Variants in DPYD observed in about 807,000 individuals in gnomAD.
The protein encoded by DPYD is dihydropyrimidine dehydrogenase [NADP(+)].
Under a neutral mutation model 116.2 loss-of-function variants are expected in DPYD, and 109 were observed. The observed-to-expected ratio is 0.94, with a 90% CI of 0.80 to 1.10. The LOEUF (loss-of-function observed/expected upper bound fraction) is 1.10, where lower values mean the gene tolerates loss of function less well. DPYD is among the 50% of genes least tolerant of loss of function. The pLI is 0.00. For missense variants in DPYD, 1,302 were observed against 1,254.5 expected, an observed-to-expected ratio of 1.04 and a Z score of -0.57; for synonymous variants, 440 against 432.0, an observed-to-expected ratio of 1.02 and a Z score of -0.23.
chr1:97,862,588 T>C (rs182679644), intron 2 of DPYD, among the ~76,000 whole-genome samples: 62 of 151,846 alleles, frequency 4.1e-4, no homozygotes, highest in African/African-American at 1.4e-3. Flanking sequence ...TTTATTTCTT[T>C]ATTGTTCATC....
chr1:97,213,194 G>A (rs891561978), intron 19 of DPYD, among the ~76,000 whole-genome samples: 2 of 151,962 alleles, frequency 1.3e-5, no homozygotes, highest in African/African-American at 2.4e-5. Context: ...ACCAGATTGG[G>A]GTTAGTATTC....
intron 20 of DPYD, among the ~76,000 whole-genome samples, chr1:97,171,410 C>G (rs10875053): frequency 0.18 from 27,134 of 152,128 alleles, 2,469 homozygotes; most frequent in East Asian, 0.29. Context: ...AAATCTTAAT[C>G]TGCTCTCTGC....
intron 20 of DPYD, among the ~76,000 whole-genome samples, chr1:97,102,489 A>ATCTG (rs1478275481): frequency 1.5e-5 from 1 of 68,422 alleles, no homozygotes; most frequent in South Asian, 6.2e-4. Context: ...CTATCTATCT[A>ATCTG]TCTATCTCCT....
intron 3 of DPYD, among the ~76,000 whole-genome samples, chr1:97,784,494 GACTAA>G (rs920904662): frequency 1.3e-5 from 2 of 152,070 alleles, no homozygotes; most frequent in Non-Finnish European, 2.9e-5. Flanking sequence ...AGTTTTATAA[GACTAA>G]ACTATCTTTC....
At chr1:97,258,667 G>T (rs1663674222) in intron 18 of DPYD, among the ~76,000 whole-genome samples, 1 of 152,120 alleles carries the variant, frequency 6.6e-6, no homozygotes, top group Non-Finnish European at 1.5e-5. Context: ...TTTGTGAAGG[G>T]TCCTATACTC....
Position 97,361,100 on chromosome 1 carries a change from C to T in DPYD, c.2058+12461G>A, listed in dbSNP as rs537698946. On this transcript the variant is annotated intron_variant, in intron 16 of 22. Coordinates refer to ENST00000370192, the MANE Select transcript of DPYD (RefSeq NM_000110.4). Reference sequence around the variant, plus strand: ...AAGAGAGAGAAGAATCAAATAGACACAATAATAAATGATAAAGGGGATATC... The same window carrying T: ...AAGAGAGAGAAGAATCAAATAGACATAATAATAAATGATAAAGGGGATATC... Among the ~76,000 whole-genome samples, 27 of 151,714 alleles carry T rather than the reference C, an allele frequency of 1.8e-4. No homozygotes were observed. The South Asian group carries it at 3.0e-3, about 17-fold the overall frequency.
At chr1:97,909,414 C>A (rs1673812257) in intron 1 of DPYD, among the ~76,000 whole-genome samples, 1 of 152,098 alleles carries the variant, frequency 6.6e-6, no homozygotes, top group African/African-American at 2.4e-5. Flanking sequence ...TGTACCTGCT[C>A]TGTTATCCCT....
intron 8 of DPYD, among the ~76,000 whole-genome samples, chr1:97,611,370 G>A (rs893440132): frequency 1.3e-5 from 2 of 152,064 alleles, no homozygotes; most frequent in Non-Finnish European, 2.9e-5. Flanking sequence ...GCTATAAGAT[G>A]AGAGTTGGGT....
intron 18 of DPYD, among the ~76,000 whole-genome samples, chr1:97,288,817 G>A (rs1481487140): frequency 3.3e-5 from 5 of 151,328 alleles, no homozygotes; most frequent in Non-Finnish European, 7.4e-5. Flanking sequence ...GCTAGCAGAA[G>A]GCAAGAAATA....
rs548813282 is a variant in DPYD, at chr1:97,151,240, T to C, written c.2622+41829A>G. 1.7e-4 allele frequency among the ~76,000 whole-genome samples: 26 copies of C among 152,336 alleles called. No individual in the cohort carries two copies. In the East Asian group the frequency reaches 2.7e-3, roughly 16 times the overall value. On this transcript the variant is annotated intron_variant, in intron 20 of 22. Transcript: ENST00000370192. ...ACCTTACTGTATTTGAGAACATATA[T>C]AGAGATTATACAGATATAATCGTAC...
At chr1:97,443,902 G>A (rs982009881) in intron 14 of DPYD, among the ~76,000 whole-genome samples, 2 of 152,180 alleles carry the variant, frequency 1.3e-5, no homozygotes, top group African/African-American at 4.8e-5. Flanking sequence ...CTGGACTAAC[G>A]TACGCCCATC....
intron 18 of DPYD, among the ~76,000 whole-genome samples, chr1:97,287,851 G>A (rs988245253): frequency 1.3e-5 from 2 of 152,128 alleles, no homozygotes; most frequent in South Asian, 4.2e-4. Flanking sequence ...CTTTGACTAG[G>A]AAAGGGAACT....
intron 8 of DPYD, among the ~76,000 whole-genome samples, chr1:97,667,005 A>AT (rs759607299): frequency 6.6e-6 from 1 of 152,124 alleles, no homozygotes; most frequent in Non-Finnish European, 1.5e-5. Flanking sequence ...CCTGCTACTC[A>AT]TTTTTTTAAA....
At chr1:97,311,677 C>T (rs1202526745) in intron 16 of DPYD, among the ~76,000 whole-genome samples, 4 of 151,510 alleles carry the variant, frequency 2.6e-5, no homozygotes, top group Non-Finnish European at 5.9e-5. Flanking sequence ...TTTGAAATAG[C>T]CCCAAAGTGG....
chr1:97,255,808 A>G (rs1042120803), intron 18 of DPYD, among the ~76,000 whole-genome samples: 6 of 151,340 alleles, frequency 4.0e-5, no homozygotes, highest in Non-Finnish European at 7.4e-5. Context: ...CCAAGCAGTT[A>G]GCGCCAGAGT....
chr1:97,405,311 T>C (rs1441651724), intron 14 of DPYD, among the ~76,000 whole-genome samples: 1 of 152,092 alleles, frequency 6.6e-6, no homozygotes, highest in Non-Finnish European at 1.5e-5. Flanking sequence ...GGTCCAAGTT[T>C]CTGGCCTATA....
At chr1:97,247,608 A>C (rs1430967390) in intron 18 of DPYD, among the ~76,000 whole-genome samples, 2 of 152,228 alleles carry the variant, frequency 1.3e-5, no homozygotes, top group South Asian at 2.1e-4. Context: ...AAATAGAATA[A>C]AATAGAATAA....
intron 5 of DPYD, among the ~76,000 whole-genome samples, chr1:97,711,626 G>A (rs1662289369): frequency 6.6e-6 from 1 of 151,784 alleles, no homozygotes; most frequent in Non-Finnish European, 1.5e-5. Context: ...TCTATGTTAG[G>A]CTCAGAAAAG....
chr1:97,341,143 G>A (rs1669568510), intron 16 of DPYD, among the ~76,000 whole-genome samples: 2 of 152,084 alleles, frequency 1.3e-5, no homozygotes, highest in Admixed American at 1.3e-4. Flanking sequence ...CCTATGGTTT[G>A]GCTCTGAGTC....
Sources: allele counts gnomAD v4.1 joint callset (sites outside exome capture counted in the v4.1 genomes callset), GRCh38; gene constraint gnomAD v4.1.1; transcripts MANE v1.5; gene names NCBI Gene and HGNC (gene_info 2026-07-23, HGNC 2026-07-21).